The following METAP1 variants were observed in gnomAD, a reference collection of about 807,000 sequenced individuals.
METAP1 encodes methionine aminopeptidase 1.
METAP1 carries 28 observed loss-of-function variants against 53.8 expected under a neutral mutation model. That is an observed-to-expected ratio of 0.52 (90% CI 0.39 to 0.71). METAP1 has a LOEUF of 0.71. Ranked by LOEUF, METAP1 falls within the 30% of genes least tolerant of loss-of-function variation. The pLI is 0.00. For missense variants in METAP1, 389 were observed against 479.8 expected, an observed-to-expected ratio of 0.81 and a Z score of 1.77; for synonymous variants, 181 against 165.7, an observed-to-expected ratio of 1.09 and a Z score of -0.71.
intron 9 of METAP1, among the ~76,000 whole-genome samples, chr4:99,055,066 G>T (rs1726998535): frequency 6.6e-6 from 1 of 151,842 alleles, no homozygotes; most frequent in South Asian, 2.1e-4. Context: ...TCAGAGCAGG[G>T]TTGCCACAAA....
chr4:99,026,586 C>T (rs1724581729), intron 1 of METAP1: 1 of 985,116 alleles, frequency 1.0e-6, no homozygotes, highest in African/African-American at 1.7e-5. Context: ...GTCTTTGGTT[C>T]ATTTGTTAGA....
chr4:99,049,228 T>C (rs974519465), intron 9 of METAP1, among the ~76,000 whole-genome samples: 7 of 152,170 alleles, frequency 4.6e-5, no homozygotes, highest in Non-Finnish European at 1.0e-4. Context: ...TGGGAGTTTT[T>C]AACAGACAGC....
intron 9 of METAP1, among the ~76,000 whole-genome samples, chr4:99,049,559 AAGAT>A (rs1726532352): frequency 6.6e-6 from 1 of 152,332 alleles, no homozygotes; most frequent in African/African-American, 2.4e-5. Context: ...AAGAAAGTGT[AAGAT>A]AGATAATATC....
intron 10 of METAP1, among the ~76,000 whole-genome samples, chr4:99,059,860 C>G (rs901379212): frequency 6.6e-6 from 1 of 152,120 alleles, no homozygotes; most frequent in Admixed American, 6.5e-5. Flanking sequence ...TGCTCTCACA[C>G]CAGTCTTTCT....
At chr4:99,043,135 G>A in intron 6 of METAP1, 114 bp from the exon 7 acceptor site, 1 of 741,766 alleles carries the variant, frequency 1.3e-6, no homozygotes, top group Non-Finnish European at 2.1e-6. Flanking sequence ...AAAATACTGA[G>A]TTCTTCATAG....
intron 2 of METAP1, among the ~76,000 whole-genome samples, chr4:99,033,314 T>C (rs1725186700): frequency 2.0e-5 from 3 of 152,110 alleles, no homozygotes; most frequent in South Asian, 2.1e-4. Context: ...AAACCTATGG[T>C]AGAATGACAA....
intron 1 of METAP1, among the ~76,000 whole-genome samples, chr4:99,010,847 T>A (rs1434333548): frequency 6.6e-6 from 1 of 152,234 alleles, no homozygotes; most frequent in Admixed American, 6.5e-5. Context: ...TTTGGCAACG[T>A]GTTGTAGTTT....
In METAP1 at chr4:99,026,253, T is replaced by A. The variant is rs573361930; in HGVS notation, c.115-2614T>A. On this transcript the variant is annotated intron_variant, in intron 1 of 10. Transcript: ENST00000296411. ...TGGTGCTAAAGAAAAAAGCATGTTG[T>A]CTTGGATTGAAAACTAAAGTTTTAC... 141 of 985,318 alleles carry A rather than the reference T, an allele frequency of 1.4e-4. No individual in the cohort carries two copies. In the African/African-American group the frequency reaches 2.3e-3, roughly 16 times the overall value. The allele number at this position is 985,318 out of a possible 1,614,324, so 61.0% of individuals were successfully genotyped here. A position where few individuals can be genotyped will look rare whatever the true frequency, so the allele number is the denominator to read the frequency against.
chr4:99,023,787 A>G (rs1404936181), intron 1 of METAP1: 1 of 984,788 alleles, frequency 1.0e-6, no homozygotes, highest in African/African-American at 1.7e-5. Context: ...GATAGATACT[A>G]AAGTAGTGTA....
chr4:99,045,810 G>A (rs376467570), intron 8 of METAP1, among the ~76,000 whole-genome samples: 120 of 152,220 alleles, frequency 7.9e-4, no homozygotes, highest in African/African-American at 2.7e-3. Flanking sequence ...GTTAAATTAA[G>A]TTAAATGGAA....
intron 1 of METAP1, among the ~76,000 whole-genome samples, chr4:99,024,311 C>T (rs1370305909): frequency 6.6e-6 from 1 of 152,190 alleles, no homozygotes; most frequent in Non-Finnish European, 1.5e-5. Context: ...GAGAGCTCGG[C>T]TCTTGAGACA....
chr4:99,033,835 C>G (rs1252390684), intron 2 of METAP1, among the ~76,000 whole-genome samples: 1 of 152,034 alleles, frequency 6.6e-6, no homozygotes, highest in African/African-American at 2.4e-5. Flanking sequence ...AACATCTGAC[C>G]TCAGTTGGGT....
At chr4:99,031,121 T>TTTTTC in intron 2 of METAP1, among the ~76,000 whole-genome samples, 1 of 150,270 alleles carries the variant, frequency 6.7e-6, no homozygotes, top group Non-Finnish European at 1.5e-5. Context: ...TTTTTTTTTT[T>TTTTTC]TTTACTTGTC....
chr4:99,010,456 T>TA (rs1436181788), intron 1 of METAP1, among the ~76,000 whole-genome samples: 3 of 152,070 alleles, frequency 2.0e-5, no homozygotes, highest in African/African-American at 7.2e-5. Flanking sequence ...ACCCCATCTT[T>TA]AAAAAACAAA....
At chr4:99,023,017 C>CAGCCTG in intron 1 of METAP1, 1 of 1,447,778 alleles carries the variant, frequency 6.9e-7, no homozygotes, top group Non-Finnish European at 9.3e-7. Flanking sequence ...CCGCTTCTTG[C>CAGCCTG]TGCCACAGGC....
At chr4:99,028,533 GT>G (rs36029370) in intron 1 of METAP1, among the ~76,000 whole-genome samples, 5,829 of 152,138 alleles carry the variant, frequency 0.038, 120 homozygotes, top group African/African-American at 0.062. Context: ...TTTTCTTGCA[GT>G]TTTTTTCCAG....
intron 1 of METAP1, among the ~76,000 whole-genome samples, chr4:99,003,642 A>G (rs774681617): frequency 6.6e-6 from 1 of 152,194 alleles, no homozygotes; most frequent in Non-Finnish European, 1.5e-5. Flanking sequence ...CTGTCGATGT[A>G]TGTTTTCTAA....
intron 9 of METAP1, among the ~76,000 whole-genome samples, chr4:99,054,010 C>A (rs556299169): frequency 6.6e-6 from 1 of 151,902 alleles, no homozygotes; most frequent in African/African-American, 2.4e-5. Context: ...GTAGATTTCG[C>A]TTCATTCTTA....
chr4:99,052,616 T>G (rs774605602), intron 9 of METAP1, among the ~76,000 whole-genome samples: 4 of 152,214 alleles, frequency 2.6e-5, no homozygotes, highest in African/African-American at 7.2e-5. Context: ...ATGAGAACTC[T>G]GCGCCCAGGA....
Sources: gnomAD v4.1 joint callset for allele counts (sites outside exome capture counted in the v4.1 genomes callset) on GRCh38, gnomAD v4.1.1 for gene constraint, MANE v1.5 for transcripts, NCBI Gene and HGNC (gene_info 2026-07-23, HGNC 2026-07-21) for gene names.